CDC42: variants seen among roughly 807,000 people sequenced by gnomAD.
CDC42 encodes cell division control protein 42 homolog.
In CDC42, 1 loss-of-function variant was observed where a neutral mutation model predicts 20.8. That is an observed-to-expected ratio of 0.05 (90% CI 0.02 to 0.23). The LOEUF (loss-of-function observed/expected upper bound fraction) is 0.23, where lower values mean the gene tolerates loss of function less well. Ranked by LOEUF, CDC42 falls within the 10% of genes least tolerant of loss-of-function variation. The probability of loss-of-function intolerance (pLI) is 1.00; values close to 1 mark genes in which losing one functional copy is unlikely to be tolerated. For synonymous variants in CDC42, 72 were observed against 84.8 expected (o/e 0.85, Z 0.83); for missense variants, 49 against 227.9 (o/e 0.21, Z 5.05).
intron 1 of CDC42, among the ~76,000 whole-genome samples, chr1:22,075,854 G>A (rs778596253): frequency 5.9e-5 from 9 of 152,198 alleles, no homozygotes; most frequent in Non-Finnish European, 1.2e-4. Context: ...CAACCAACCA[G>A]TTTGTAACAA....
intron 1 of CDC42, among the ~76,000 whole-genome samples, chr1:22,069,135 G>A (rs1246392095): frequency 6.9e-6 from 1 of 145,874 alleles, no homozygotes; most frequent in Admixed American, 6.9e-5. Context: ...TGAGTATTTT[G>A]AGGAAAACAT....
At chr1:22,061,426 A>AG (rs1262966015) in intron 1 of CDC42, among the ~76,000 whole-genome samples, 4 of 143,362 alleles carry the variant, frequency 2.8e-5, no homozygotes, top group Non-Finnish European at 1.5e-5. Context: ...AAAAAAAAAA[A>AG]GAAACCCTTT....
Position 22,099,258 on chromosome 1 carries a change from C to G in CDC42, c.*7741C>G, listed in dbSNP as rs1645775433. On this transcript the variant is annotated 3_prime_UTR_variant, in exon 6 of 6. Coordinates refer to ENST00000656825, the MANE Select transcript of CDC42 (RefSeq NM_001791.4). ...GGGCTCTGCCCTAACTGCTGAGAAT[C>G]ATAAAAGAAATGGGGACATATTCTG... Among the ~76,000 whole-genome samples, 1 of 152,214 alleles carries G rather than the reference C, an allele frequency of 6.6e-6. No homozygotes were observed. Among genetic ancestry groups the G allele is most frequent in the African/African-American group, 2.4e-5 (1 of 41,456 alleles).
At chr1:22,077,646 C>G (rs1016494) in intron 1 of CDC42, among the ~76,000 whole-genome samples, 142,151 of 152,258 alleles carry the variant, frequency 0.93, 66,504 homozygotes, top group East Asian at 1. Flanking sequence ...GATAATGATT[C>G]TAAGAGACTC....
At chr1:22,077,239 G>T (rs1356648989) in intron 1 of CDC42, among the ~76,000 whole-genome samples, 3 of 152,166 alleles carry the variant, frequency 2.0e-5, no homozygotes, top group African/African-American at 7.2e-5. Context: ...CACTAATGTA[G>T]TTTCATGTTC....
intron 1 of CDC42, among the ~76,000 whole-genome samples, chr1:22,065,015 TAGTA>T (rs765387776): frequency 6.6e-6 from 1 of 152,212 alleles, no homozygotes; most frequent in Non-Finnish European, 1.5e-5. Flanking sequence ...TTCACGTTGA[TAGTA>T]AGAGTTCATA....
At chr1:22,069,727 A>C (rs1645463844) in intron 1 of CDC42, among the ~76,000 whole-genome samples, 1 of 149,796 alleles carries the variant, frequency 6.7e-6, no homozygotes, top group Admixed American at 6.7e-5. Context: ...TTGGCCTCCC[A>C]AAGTGTTGGG....
intron 1 of CDC42, chr1:22,074,227 C>G (rs990557867): frequency 6.6e-6 from 1 of 152,196 alleles, no homozygotes; most frequent in Non-Finnish European, 1.5e-5. Flanking sequence ...CAGGTGCGTG[C>G]CACCATGCCC....
chr1:22,062,692 T>C (rs1330343581), intron 1 of CDC42, among the ~76,000 whole-genome samples: 1 of 128,158 alleles, frequency 7.8e-6, no homozygotes, highest in Non-Finnish European at 1.5e-5. Flanking sequence ...GAGACGAGCC[T>C]GGTAGCCTGG....
chr1:22,097,975 A>G lies in CDC42; in HGVS notation c.*6458A>G, dbSNP rs1428085737. ...ACAGATTTTCAAGGCTAAGGTAAGT[A>G]TAGCATTTTCTCAACCCTATTACAA... On this transcript the variant is annotated 3_prime_UTR_variant, in exon 6 of 6. Transcript: ENST00000656825. 6.6e-6 allele frequency among the ~76,000 whole-genome samples: 1 copy of G among 152,156 alleles called. No individual in the cohort carries two copies. The highest frequency in any genetic ancestry group is 1.5e-5 in the Non-Finnish European group (1 of 68,030).
At chr1:22,071,446 T>C (rs1645491552) in intron 1 of CDC42, among the ~76,000 whole-genome samples, 1 of 152,182 alleles carries the variant, frequency 6.6e-6, no homozygotes. Context: ...ACAAGACAGT[T>C]TGTTAGCACA....
At chr1:22,055,887 G>A (rs1225865346) in intron 1 of CDC42, among the ~76,000 whole-genome samples, 1 of 29,856 alleles carries the variant, frequency 3.3e-5, no homozygotes, top group Non-Finnish European at 6.8e-5. Context: ...TTTTTTTTTT[G>A]AGAGGATGAG....
At chr1:22,057,070 G>A (rs1645311257) in intron 1 of CDC42, among the ~76,000 whole-genome samples, 1 of 152,180 alleles carries the variant, frequency 6.6e-6, no homozygotes, top group Non-Finnish European at 1.5e-5. Context: ...AGACTGCCTG[G>A]GTTCAGATCC....
rs929804743 is a variant in CDC42 at position 22,099,833 on chromosome 1, C to CA, written c.*8317dup. On this transcript the variant is annotated 3_prime_UTR_variant, in exon 6 of 6. Coordinates refer to ENST00000656825, the MANE Select transcript of CDC42 (RefSeq NM_001791.4). ...TTTTAAGCCTTTGTGTGAATTAACT[C>CA]AGTCTTCTCAGCAATCCCCCATTTT... is the stretch of plus-strand genomic sequence containing the variant. Among the ~76,000 whole-genome samples, 4 of 151,484 alleles carry CA rather than the reference C, an allele frequency of 2.6e-5. No homozygotes were observed. Among genetic ancestry groups the CA allele is most frequent in the Non-Finnish European group, 5.9e-5 (4 of 67,874 alleles).
At chr1:22,066,212 T>C (rs1645421842) in intron 1 of CDC42, among the ~76,000 whole-genome samples, 1 of 152,148 alleles carries the variant, frequency 6.6e-6, no homozygotes, top group South Asian at 2.1e-4. Context: ...GAGCTTAAAA[T>C]CTATTAGAGG....
Position 22,096,205 on chromosome 1 carries a change from C to T in CDC42, c.*4688C>T, listed in dbSNP as rs1425490276. Among the ~76,000 whole-genome samples the T allele has an allele frequency of 2.6e-5, 4 of 152,000 alleles. No individual in the cohort carries two copies. Among genetic ancestry groups the T allele is most frequent in the Non-Finnish European group, 4.4e-5 (3 of 68,002 alleles). On this transcript the variant is annotated 3_prime_UTR_variant, in exon 6 of 6. Transcript: ENST00000656825. ...CAAACTCCTGACCTCCTGATCCGCC[C>T]TCCTCAGCCTCCCAAAGTGCTGGGA... is the stretch of plus-strand genomic sequence containing the variant.
intron 3 of CDC42, among the ~76,000 whole-genome samples, chr1:22,085,053 GA>G (rs1645647472): frequency 6.6e-6 from 1 of 151,942 alleles, no homozygotes; most frequent in Admixed American, 6.6e-5. Flanking sequence ...CCAACATGGT[GA>G]AACCCTGTGT....
chr1:22,074,760 A>C (rs1199146936), intron 1 of CDC42, among the ~76,000 whole-genome samples: 1 of 152,014 alleles, frequency 6.6e-6, no homozygotes, highest in Admixed American at 6.6e-5. Flanking sequence ...TTTAAATCTC[A>C]CTTGGCTTTA....
At chr1:22,058,047 G>A (rs563240930) in intron 1 of CDC42, among the ~76,000 whole-genome samples, 11 of 152,158 alleles carry the variant, frequency 7.2e-5, no homozygotes, top group Admixed American at 2.0e-4. Flanking sequence ...ATTTTTATCC[G>A]TTACCTTTAC....
Sources: allele counts gnomAD v4.1 joint callset (sites outside exome capture counted in the v4.1 genomes callset), GRCh38; gene constraint gnomAD v4.1.1; transcripts MANE v1.5; gene names NCBI Gene and HGNC (gene_info 2026-07-23, HGNC 2026-07-21).